Variants in CEP112 observed in about 807,000 individuals in gnomAD.
CEP112 encodes the protein centrosomal protein 112.
A neutral mutation model predicts 153.0 loss-of-function variants in CEP112; 127 were observed. The ratio of observed to expected loss-of-function variants is 0.83; its 90% CI spans 0.72 to 0.96. The LOEUF is 0.96. Among genes scored for constraint, CEP112 ranks in the 40% least tolerant of loss-of-function variants. The pLI, the probability that CEP112 is intolerant of heterozygous loss-of-function variation, is 0.00. For synonymous variants in CEP112, 358 were observed against 374.4 expected (o/e 0.96, Z 0.51); for missense variants, 1,089 against 1,101.2 (o/e 0.99, Z 0.16).
chr17:65,696,363 C>G (rs561517123), intron 23 of CEP112, among the ~76,000 whole-genome samples: 3 of 152,248 alleles, frequency 2.0e-5, no homozygotes, highest in East Asian at 3.9e-4. Flanking sequence ...TGGTTCTGTC[C>G]GTAGGTTCAC....
intron 4 of CEP112, among the ~76,000 whole-genome samples, chr17:66,149,888 G>GTTTTTTTTT (rs71160535): frequency 2.0e-3 from 109 of 54,700 alleles, no homozygotes; most frequent in Non-Finnish European, 2.4e-3. Flanking sequence ...TTGTTTGTTT[G>GTTTTTTTTT]TTTTTTTTTT....
chr17:65,989,079 T>A (rs9894275), intron 17 of CEP112, among the ~76,000 whole-genome samples: 86,590 of 148,374 alleles, frequency 0.58, 26,342 homozygotes, highest in African/African-American at 0.71. Flanking sequence ...ACAAAAAAAT[T>A]AAAAAAAAAG....
At chr17:66,143,455 G>A (rs1443140843) in intron 4 of CEP112, among the ~76,000 whole-genome samples, 1 of 152,152 alleles carries the variant, frequency 6.6e-6, no homozygotes, top group Non-Finnish European at 1.5e-5. Context: ...TTTCCATGTT[G>A]TACCTCTTAG....
chr17:65,805,319 C>T (rs1054682174), intron 21 of CEP112, among the ~76,000 whole-genome samples: 3 of 152,148 alleles, frequency 2.0e-5, no homozygotes, highest in Non-Finnish European at 4.4e-5. Flanking sequence ...TGCCCTTAGT[C>T]CCTTGCTCAT....
chr17:65,857,054 T>C (rs2058145455), intron 20 of CEP112, among the ~76,000 whole-genome samples: 1 of 152,156 alleles, frequency 6.6e-6, no homozygotes, highest in Non-Finnish European at 1.5e-5. Flanking sequence ...ATAAAGTGAG[T>C]CACATAAATT....
intron 5 of CEP112, among the ~76,000 whole-genome samples, chr17:66,132,144 C>G (rs960018045): frequency 8.5e-6 from 1 of 117,206 alleles, no homozygotes; most frequent in Admixed American, 1.2e-4. Context: ...GCTCTCCAGC[C>G]TGGGCAACAG....
intron 23 of CEP112, among the ~76,000 whole-genome samples, chr17:65,690,209 G>C (rs1016179100): frequency 6.7e-6 from 1 of 149,860 alleles, no homozygotes; most frequent in Non-Finnish European, 1.5e-5. Flanking sequence ...AGGATCACTT[G>C]AAACTAGGAA....
chr17:66,063,945 A>C (rs1280395516), intron 10 of CEP112, among the ~76,000 whole-genome samples: 3 of 151,886 alleles, frequency 2.0e-5, no homozygotes, highest in Non-Finnish European at 4.4e-5. Flanking sequence ...CTTATTGAAA[A>C]ACTCCTACTC....
At chr17:65,794,173 G>A (rs573912632) in intron 21 of CEP112, among the ~76,000 whole-genome samples, 3 of 152,146 alleles carry the variant, frequency 2.0e-5, no homozygotes, top group Non-Finnish European at 4.4e-5. Flanking sequence ...GTATTGGCAT[G>A]TATAGTCTTC....
chr17:65,689,825 T>C (rs2048006995), intron 23 of CEP112, among the ~76,000 whole-genome samples: 1 of 152,066 alleles, frequency 6.6e-6, no homozygotes, highest in Admixed American at 6.5e-5. Flanking sequence ...CAAAGACCAA[T>C]AATTACCACT....
intron 20 of CEP112, among the ~76,000 whole-genome samples, chr17:65,900,990 GTTA>G (rs1308546389): frequency 6.6e-6 from 1 of 152,134 alleles, no homozygotes; most frequent in Non-Finnish European, 1.5e-5. Flanking sequence ...TATTGCATCA[GTTA>G]TTCTCTGAAT....
intron 23 of CEP112, among the ~76,000 whole-genome samples, chr17:65,693,168 A>T (rs2048196383): frequency 6.6e-6 from 1 of 151,994 alleles, no homozygotes; most frequent in Admixed American, 6.6e-5. Flanking sequence ...GTTGTTCCCC[A>T]CTTCCTGGCT....
At chr17:65,663,787 TTAACC>T (rs1314146161) in intron 24 of CEP112, among the ~76,000 whole-genome samples, 9 of 152,176 alleles carry the variant, frequency 5.9e-5, no homozygotes, top group African/African-American at 2.2e-4. Flanking sequence ...GGAAGCAAAA[TTAACC>T]TATAAACATA....
At chr17:65,810,522 A>C (rs2055887557) in intron 21 of CEP112, among the ~76,000 whole-genome samples, 1 of 152,106 alleles carries the variant, frequency 6.6e-6, no homozygotes, top group East Asian at 1.9e-4. Flanking sequence ...AAAAAGTATT[A>C]ATCACATTAA....
chr17:65,837,292 C>A (rs981026455), intron 21 of CEP112, among the ~76,000 whole-genome samples: 3 of 151,898 alleles, frequency 2.0e-5, no homozygotes, highest in African/African-American at 7.3e-5. Context: ...AGCCCCTCTG[C>A]CCGGCCGCCC....
At chr17:65,887,267 G>T (rs936591318) in intron 20 of CEP112, among the ~76,000 whole-genome samples, 1 of 152,116 alleles carries the variant, frequency 6.6e-6, no homozygotes, top group African/African-American at 2.4e-5. Flanking sequence ...TGTAAAAACT[G>T]AGACAATACA....
intron 9 of CEP112, among the ~76,000 whole-genome samples, chr17:66,067,532 A>C (rs1351192925): frequency 6.6e-6 from 1 of 152,196 alleles, no homozygotes; most frequent in Non-Finnish European, 1.5e-5. Flanking sequence ...GTAGGTATAC[A>C]TTAATAGAAA....
At chr17:65,863,853 T>A (rs571956934) in intron 20 of CEP112, among the ~76,000 whole-genome samples, 1 of 146,322 alleles carries the variant, frequency 6.8e-6, no homozygotes, top group East Asian at 2.1e-4. Flanking sequence ...GAAAGATGAG[T>A]GCCTCCACGG....
intron 16 of CEP112, among the ~76,000 whole-genome samples, chr17:66,006,619 T>C (rs865939166): frequency 6.7e-6 from 1 of 148,280 alleles, no homozygotes; most frequent in South Asian, 2.1e-4. Flanking sequence ...AAAAAAAAAA[T>C]GTCTTCACAA....
Sources: gnomAD v4.1 joint callset for allele counts (sites outside exome capture counted in the v4.1 genomes callset) on GRCh38, gnomAD v4.1.1 for gene constraint, MANE v1.5 for transcripts, NCBI Gene and HGNC (gene_info 2026-07-23, HGNC 2026-07-21) for gene names.